The following MRPL1 variants were observed in gnomAD, a reference collection of about 807,000 sequenced individuals.
MRPL1 encodes the protein mitochondrial ribosomal protein L1, also known as large ribosomal subunit protein uL1m.
In MRPL1, 28 loss-of-function variants were observed where a neutral mutation model predicts 38.0. That is an observed-to-expected ratio of 0.74 (90% confidence interval 0.55 to 1.01). MRPL1 has a LOEUF of 1.01. MRPL1 is among the 50% of genes least tolerant of loss of function. The pLI, the probability that MRPL1 is intolerant of heterozygous loss-of-function variation, is 0.00. For missense variants in MRPL1, 358 were observed against 389.8 expected, an observed-to-expected ratio of 0.92 and a Z score of 0.69; for synonymous variants, 123 against 126.7, an observed-to-expected ratio of 0.97 and a Z score of 0.20.
intron 5 of MRPL1, among the ~76,000 whole-genome samples, chr4:77,890,744 C>T (rs1229458464): frequency 1.3e-5 from 2 of 152,216 alleles, no homozygotes; most frequent in Non-Finnish European, 2.9e-5. Context: ...CCCATCGTCT[C>T]AGCCCCAAAT....
rs775233570 is a variant in MRPL1, at chr4:77,885,391, G to A, written c.486+52G>A. 48 of 1,364,356 alleles carry A rather than the reference G, an allele frequency of 3.5e-5. No individual in the cohort carries two copies. The East Asian group carries it at 5.4e-4, about 15-fold the overall frequency. The allele number at this position is 1,364,356 out of a possible 1,614,324, so 84.5% of individuals were successfully genotyped here. ...ATCATTTAATTTTTTTTTTTGAGACGGAGTCTCACTCTGTCACCAGTCTGG... is the reference window on the plus strand; with the variant it reads ...ATCATTTAATTTTTTTTTTTGAGACAGAGTCTCACTCTGTCACCAGTCTGG... On this transcript the variant is annotated intron_variant, in intron 4 of 8. Transcript: ENST00000315567.
intron 7 of MRPL1, among the ~76,000 whole-genome samples, chr4:77,917,076 C>T (rs546605115): frequency 6.6e-6 from 1 of 152,122 alleles, no homozygotes; most frequent in Non-Finnish European, 1.5e-5. Context: ...TGAACATTAT[C>T]ATTGTTTCTT....
chr4:77,929,452 CAAT>C (rs1293545128), intron 7 of MRPL1, among the ~76,000 whole-genome samples: 1 of 151,726 alleles, frequency 6.6e-6, no homozygotes, highest in Admixed American at 6.6e-5. Context: ...TTTACAGAAA[CAAT>C]AAAAACATCT....
At chr4:77,933,288 T>C (rs1736889843) in intron 7 of MRPL1, among the ~76,000 whole-genome samples, 1 of 151,968 alleles carries the variant, frequency 6.6e-6, no homozygotes, top group African/African-American at 2.4e-5. Flanking sequence ...CACAAGAGGG[T>C]GGGGCATACC....
In MRPL1 at chr4:77,868,374, G is replaced by C. The variant is rs1442011363; in HGVS notation, c.32-3370G>C. Reference sequence around the variant, plus strand: ...CCTGCCTCAGCCTCCCGAGTAGCTGGGATTACAGGAGCATGCCACCACACC... The same window carrying C: ...CCTGCCTCAGCCTCCCGAGTAGCTGCGATTACAGGAGCATGCCACCACACC... On this transcript the variant is annotated intron_variant, in intron 1 of 8. Coordinates refer to ENST00000315567, the MANE Select transcript of MRPL1 (RefSeq NM_020236.4). 2.0e-5 allele frequency among the ~76,000 whole-genome samples: 3 copies of C among 151,980 alleles called. No individual in the cohort carries two copies. In the East Asian group the frequency reaches 5.8e-4, roughly 30 times the overall value.
At chr4:77,913,347 A>G (rs990806210) in intron 7 of MRPL1, among the ~76,000 whole-genome samples, 1 of 152,216 alleles carries the variant, frequency 6.6e-6, no homozygotes, top group Admixed American at 6.5e-5. Flanking sequence ...ATCAGAAAAC[A>G]TGAACACACC....
chr4:77,907,415 G>A (rs1463297632), intron 6 of MRPL1, among the ~76,000 whole-genome samples: 2 of 152,008 alleles, frequency 1.3e-5, no homozygotes, highest in Non-Finnish European at 2.9e-5. Flanking sequence ...AGGACAAAGT[G>A]ACATTAGAAT....
At chr4:77,866,745 C>T (rs993606014) in intron 1 of MRPL1, among the ~76,000 whole-genome samples, 7 of 150,658 alleles carry the variant, frequency 4.6e-5, no homozygotes, top group African/African-American at 1.7e-4. Flanking sequence ...GAAATATCAC[C>T]CCCCTTTTTT....
chr4:77,936,898 G>A lies in MRPL1; in HGVS notation c.778-12899G>A, dbSNP rs552734972. ...CCAGCACTTTGGGAAGCCGAGATGG[G>A]AGAATCGCCTGAGCCAAGGAGTTCA... is the stretch of plus-strand genomic sequence containing the variant. On this transcript the variant is annotated intron_variant, in intron 7 of 8. Coordinates refer to ENST00000315567, the MANE Select transcript of MRPL1 (RefSeq NM_020236.4). Among the ~76,000 whole-genome samples, 9 of 152,228 alleles carry A rather than the reference G, an allele frequency of 5.9e-5. No homozygotes were observed. The East Asian group carries it at 1.7e-3, about 29-fold the overall frequency.
chr4:77,907,237 C>T (rs1190835364), intron 6 of MRPL1: 10 of 909,300 alleles, frequency 1.1e-5, no homozygotes, highest in Non-Finnish European at 1.3e-5. Context: ...TGGAATATAC[C>T]ATATTTTTGT....
chr4:77,894,117 C>T, intron 5 of MRPL1, 22 bp from the exon 6 acceptor site: 2 of 1,364,990 alleles, frequency 1.5e-6, no homozygotes, highest in South Asian at 2.5e-5. Flanking sequence ...TCTGAGGTCA[C>T]CTTTTTTTTT....
At position 77,878,225 on chromosome 4, in the gene MRPL1, C is replaced by T. The variant is rs990116579; in HGVS notation, c.144-5017C>T. 2.6e-5 allele frequency among the ~76,000 whole-genome samples: 4 copies of T among 152,142 alleles called. No homozygotes were observed. The East Asian group carries it at 5.8e-4, about 22-fold the overall frequency. The stretch of plus-strand genomic sequence containing the variant: ...GTTCAAGAAAAGTTGTGATTTTTAT[C>T]GAGCTCTTTCTCGTTGTTAATGGTC... On this transcript the variant is annotated intron_variant, in intron 2 of 8. Transcript: ENST00000315567.
chr4:77,904,975 A>G (rs1736120039), intron 6 of MRPL1, among the ~76,000 whole-genome samples: 1 of 152,200 alleles, frequency 6.6e-6, no homozygotes, highest in Admixed American at 6.5e-5. Context: ...TGAGCTATAG[A>G]AGAAAAAATT....
intron 7 of MRPL1, among the ~76,000 whole-genome samples, chr4:77,925,383 G>C (rs184310941): frequency 6.8e-6 from 1 of 146,206 alleles, no homozygotes; most frequent in Non-Finnish European, 1.5e-5. Flanking sequence ...ACCTAGTCTC[G>C]CTCTGTCACC....
intron 3 of MRPL1, among the ~76,000 whole-genome samples, chr4:77,884,155 G>GGCTC (rs1237376972): frequency 6.6e-6 from 1 of 151,566 alleles, no homozygotes; most frequent in Non-Finnish European, 1.5e-5. Context: ...TGTAAATGAG[G>GGCTC]GCTCTGGATT....
intron 6 of MRPL1, among the ~76,000 whole-genome samples, chr4:77,896,319 A>G (rs891619795): frequency 5.9e-5 from 9 of 152,048 alleles, no homozygotes; most frequent in Admixed American, 3.3e-4. Flanking sequence ...ATGAATTGCA[A>G]CTTCACATAT....
intron 7 of MRPL1, among the ~76,000 whole-genome samples, chr4:77,936,401 AAACAAAAC>A (rs1442077717): frequency 6.6e-6 from 1 of 152,174 alleles, no homozygotes; most frequent in Non-Finnish European, 1.5e-5. Flanking sequence ...CTTTCTTTAA[AAACAAAAC>A]AAAACAAAAC....
intron 1 of MRPL1, chr4:77,864,371 A>G (rs1272385406): frequency 6.6e-6 from 1 of 152,124 alleles, no homozygotes; most frequent in African/African-American, 2.4e-5. Flanking sequence ...TCTGGAAGCC[A>G]GGGTTCCATC....
intron 7 of MRPL1, among the ~76,000 whole-genome samples, chr4:77,920,248 C>T (rs1318458880): frequency 1.3e-5 from 2 of 152,152 alleles, no homozygotes; most frequent in Admixed American, 6.5e-5. Context: ...CAATCAACTT[C>T]TGCTTTTTTT....
Sources: allele counts gnomAD v4.1 joint callset (sites outside exome capture counted in the v4.1 genomes callset), GRCh38; gene constraint gnomAD v4.1.1; transcripts MANE v1.5; gene names NCBI Gene and HGNC (gene_info 2026-07-23, HGNC 2026-07-21).